The following AFAP1L1 variants were observed in gnomAD, a reference collection of about 807,000 sequenced individuals.
AFAP1L1 encodes actin filament-associated protein 1-like 1.
A neutral mutation model predicts 99.8 loss-of-function variants in AFAP1L1; 77 were observed. The observed-to-expected ratio is 0.77, with a 90% CI of 0.64 to 0.93. The LOEUF is 0.93. AFAP1L1 is among the 40% of genes least tolerant of loss of function. The pLI is 0.00. For synonymous variants in AFAP1L1, 373 were observed against 395.3 expected (o/e 0.94, Z 0.67); for missense variants, 893 against 996.8 (o/e 0.90, Z 1.40).
Position 149,316,304 on chromosome 5 carries a change from G to T in AFAP1L1, c.1267+1G>T. 6.2e-7 allele frequency: 1 copy of T among 1,613,678 alleles called. No individual in the cohort carries two copies. Among genetic ancestry groups the T allele is most frequent in the Non-Finnish European group, 8.5e-7 (1 of 1,179,838 alleles). The stretch of plus-strand genomic sequence containing the variant: ...ACCGAGGAGGAGGTTCCCTGCTGTG[G>T]TGGGTCCAGGGCACGGGGAGGAAGG... On this transcript the variant is annotated splice_donor_variant, in intron 11 of 18. Transcript: ENST00000296721. LOFTEE classifies it high-confidence loss of function.
chr5:149,334,411 A>C (rs1233784618), intron 17 of AFAP1L1, among the ~76,000 whole-genome samples: 1 of 152,200 alleles, frequency 6.6e-6, no homozygotes, highest in African/African-American at 2.4e-5. Flanking sequence ...CCCATTCCAG[A>C]GCACTTCTCC....
Position 149,316,206 on chromosome 5 carries a change from G to A in AFAP1L1, c.1170G>A (p.Ala390=), listed in dbSNP as rs766902835. The A allele has an allele frequency of 2.3e-5, 37 of 1,613,980 alleles. No individual in the cohort carries two copies. Among genetic ancestry groups the A allele is most frequent in the Non-Finnish European group, 2.7e-5 (32 of 1,180,022 alleles). Residue 390 remains alanine, a synonymous_variant, in exon 11 of 19, where the codon GCG becomes GCA. Coordinates refer to ENST00000296721, the MANE Select transcript of AFAP1L1 (RefSeq NM_152406.4). ...TGAAGGGCTCAATGAGCAGGGCTGC[G>A]GGCCGCAAGATCACCCGTATCATTG... ...AELKGSMSRA[A]GRKITRIIGF...
chr5:149,282,397 C>T (rs950807955), intron 1 of AFAP1L1, among the ~76,000 whole-genome samples: 1 of 152,186 alleles, frequency 6.6e-6, no homozygotes, highest in Admixed American at 6.5e-5. Context: ...GCAAGAGTCA[C>T]AGCTAAATGA....
chr5:149,317,863 G>A lies in AFAP1L1; in HGVS notation c.1402G>A (p.Val468Met). Residue 468 changes from valine (V) to methionine (M), a missense_variant, in exon 12 of 19, where the codon GTG becomes ATG. Physicochemically the swap from Val to Met is conservative, Grantham distance 21. Coordinates refer to ENST00000296721, the MANE Select transcript of AFAP1L1 (RefSeq NM_152406.4). ...CGCCATCGCCCTGCAAGGCTGTGAG[G>A]TGGCCCCGGGCTTTGGGCCCCGACA... ...VNAIALQGCEVAPGFGPRHPF... is the reference protein window; with the variant it reads ...VNAIALQGCEMAPGFGPRHPF... 6.2e-7 allele frequency: 1 copy of A among 1,606,314 alleles called. No individual in the cohort carries two copies. Among genetic ancestry groups the A allele is most frequent in the Non-Finnish European group, 8.5e-7 (1 of 1,176,500 alleles).
chr5:149,312,293 A>C (rs1224242289), intron 9 of AFAP1L1, 89 bp downstream of exon 9: 2 of 1,315,950 alleles, frequency 1.5e-6, no homozygotes, highest in Non-Finnish European at 2.2e-6. Context: ...GGCTGGGGGG[A>C]AAGTCAGGCA....
chr5:149,322,343 T>C (rs1756973608), intron 14 of AFAP1L1, among the ~76,000 whole-genome samples: 1 of 152,182 alleles, frequency 6.6e-6, no homozygotes, highest in African/African-American at 2.4e-5. Flanking sequence ...ACCCACAGTC[T>C]TTTGAGACTT....
intron 7 of AFAP1L1, 37 bp downstream of exon 7, chr5:149,307,650 C>T (rs941447941): frequency 3.4e-5 from 54 of 1,594,736 alleles, no homozygotes; most frequent in Non-Finnish European, 4.3e-5. Context: ...CTCGGCCTCA[C>T]ATGGACTTGC....
At chr5:149,278,369 T>A (rs1274799697) in intron 1 of AFAP1L1, among the ~76,000 whole-genome samples, 1 of 152,124 alleles carries the variant, frequency 6.6e-6, no homozygotes. Flanking sequence ...GGCTTCCACT[T>A]CCATTGGACC....
intron 15 of AFAP1L1, among the ~76,000 whole-genome samples, chr5:149,322,954 C>T (rs1339222690): frequency 2.6e-5 from 4 of 152,100 alleles, no homozygotes; most frequent in South Asian, 4.2e-4. Context: ...TGTAGGAAAC[C>T]GGTACCCAGT....
intron 1 of AFAP1L1, among the ~76,000 whole-genome samples, chr5:149,295,340 G>C (rs1755982848): frequency 6.6e-6 from 1 of 152,214 alleles, no homozygotes; most frequent in Non-Finnish European, 1.5e-5. Flanking sequence ...TACAAAGCTT[G>C]GGTGCGAGAG....
At chr5:149,334,709 C>A (rs568965802) in intron 17 of AFAP1L1, among the ~76,000 whole-genome samples, 1 of 151,956 alleles carries the variant, frequency 6.6e-6, no homozygotes, top group Admixed American at 6.6e-5. Context: ...GCCAGGAGTT[C>A]GAAACCAGCC....
intron 16 of AFAP1L1, 132 bp downstream of exon 16, chr5:149,329,962 TCTCCTCCTC>T (rs544510209): frequency 1.5e-6 from 1 of 680,658 alleles, no homozygotes; most frequent in African/African-American, 1.9e-5. Flanking sequence ...CCCTCCTCCT[TCTCCTCCTC>T]CTCCTCTTCT....
Position 149,271,973 on chromosome 5 carries a change from A to T in AFAP1L1, c.5A>T (p.Asp2Val). 8.1e-7 allele frequency: 1 copy of T among 1,235,612 alleles called. No homozygotes were observed. 76.5% of individuals were successfully genotyped at this position (1,235,612 alleles called of 1,614,324 possible). ...CCCGGGGACCGGGCCGGCGCCATGG[A>T]CCGAGGCCAGGGTAAGAGGGGCCGC... is the stretch of plus-strand genomic sequence containing the variant. MDRGQVLEQLLP... is the reference protein window; with the variant it reads MVRGQVLEQLLP... The change falls in exon 1 of 19, where the codon GAC becomes GTC. Residue 2 changes from aspartate to valine, a missense_variant. Physicochemically the swap from Asp to Val is radical, Grantham distance 152. Coordinates refer to ENST00000296721, the MANE Select transcript of AFAP1L1 (RefSeq NM_152406.4).
At chr5:149,306,910 C>T (rs958284403) in intron 6 of AFAP1L1, among the ~76,000 whole-genome samples, 1 of 152,068 alleles carries the variant, frequency 6.6e-6, no homozygotes, top group Non-Finnish European at 1.5e-5. Flanking sequence ...AGGGAAGTAA[C>T]CAAGATCGCA....
intron 1 of AFAP1L1, among the ~76,000 whole-genome samples, chr5:149,280,672 A>T (rs773938159): frequency 7.9e-5 from 12 of 152,212 alleles, no homozygotes; most frequent in Non-Finnish European, 1.6e-4. Context: ...GAAAGCATGA[A>T]ATGTCTCATT....
intron 1 of AFAP1L1, among the ~76,000 whole-genome samples, chr5:149,290,274 T>C (rs530104234): frequency 6.6e-6 from 1 of 152,298 alleles, no homozygotes; most frequent in Non-Finnish European, 1.5e-5. Flanking sequence ...GTAAATCACT[T>C]AAAGCAGAAT....
intron 3 of AFAP1L1, 77 bp from the exon 4 acceptor site, chr5:149,301,056 C>A: frequency 7.3e-7 from 1 of 1,374,320 alleles, no homozygotes; most frequent in Non-Finnish European, 1.0e-6. Flanking sequence ...GCCTCCTGAC[C>A]CCAAATCCAG....
intron 1 of AFAP1L1, among the ~76,000 whole-genome samples, chr5:149,289,441 C>A (rs182095314): frequency 1.3e-5 from 2 of 151,952 alleles, no homozygotes; most frequent in East Asian, 3.9e-4. Context: ...AAGGCATTGG[C>A]TTTGCAGCTG....
intron 9 of AFAP1L1, among the ~76,000 whole-genome samples, chr5:149,314,935 AT>A (rs1425253280): frequency 1.3e-5 from 2 of 152,184 alleles, no homozygotes; most frequent in African/African-American, 4.8e-5. Flanking sequence ...GTTAGAAATG[AT>A]ACAGTCCATG....
Sources: allele counts gnomAD v4.1 joint callset (sites outside exome capture counted in the v4.1 genomes callset), GRCh38; gene constraint gnomAD v4.1.1; transcripts MANE v1.5; gene names NCBI Gene and HGNC (gene_info 2026-07-23, HGNC 2026-07-21).